Variants in SLC22A23 observed in about 807,000 individuals in gnomAD.
SLC22A23 encodes the protein solute carrier family 22 member 23.
A neutral mutation model predicts 61.0 loss-of-function variants in SLC22A23; 26 were observed. The ratio of observed to expected loss-of-function variants is 0.43; its 90% CI spans 0.31 to 0.59. The LOEUF is 0.59. Among genes scored for constraint, SLC22A23 ranks in the 20% least tolerant of loss-of-function variants. The pLI, the probability that SLC22A23 is intolerant of heterozygous loss-of-function variation, is 0.11. For missense variants in SLC22A23, 796 were observed against 934.7 expected, an observed-to-expected ratio of 0.85 and a Z score of 1.94; for synonymous variants, 430 against 413.9, an observed-to-expected ratio of 1.04 and a Z score of -0.47.
Position 3,322,028 on chromosome 6 carries a change from T to C in SLC22A23, c.1082+1806A>G, listed in dbSNP as rs575547512. 1.5e-3 allele frequency among the ~76,000 whole-genome samples: 228 copies of C among 152,314 alleles called. 1 individual carries two copies. Among genetic ancestry groups the C allele is most frequent in the African/African-American group, 5.0e-3 (209 of 41,558 alleles). On this transcript the variant is annotated intron_variant, in intron 4 of 9. Coordinates refer to ENST00000406686, the MANE Select transcript of SLC22A23 (RefSeq NM_015482.2). This position sits in a 1 kb window ranked among gnomAD's most constrained non-coding sequence, Gnocchi z 4.1. Reference sequence around the variant, plus strand: ...TGTACCAGGGTGCCCGGCAGCCTACTTGGCGCTTTGGAGTACTGTATCTCT... The same window carrying C: ...TGTACCAGGGTGCCCGGCAGCCTACCTGGCGCTTTGGAGTACTGTATCTCT...
intron 3 of SLC22A23, among the ~76,000 whole-genome samples, chr6:3,380,403 G>C (rs1467290569): frequency 1.3e-5 from 2 of 152,120 alleles, no homozygotes; most frequent in East Asian, 3.9e-4. Flanking sequence ...AACTAATTTG[G>C]ATGCATCAGC....
In SLC22A23 at chr6:3,352,464, T is replaced by C. The variant is rs372060171; in HGVS notation, c.914-28462A>G. 4.3e-3 allele frequency among the ~76,000 whole-genome samples: 657 copies of C among 151,974 alleles called. 8 individuals carry two copies. Among genetic ancestry groups the C allele is most frequent in the African/African-American group, 0.015 (638 of 41,420 alleles). The stretch of plus-strand genomic sequence containing the variant: ...ACAGACACATATTGACCCATTCACA[T>C]ACACGGCCACATACACACATAGGCA... On this transcript the variant is annotated intron_variant, in intron 3 of 9. Coordinates refer to ENST00000406686, the MANE Select transcript of SLC22A23 (RefSeq NM_015482.2).
At chr6:3,441,668 C>T (rs1771604753) in intron 1 of SLC22A23, among the ~76,000 whole-genome samples, 1 of 152,234 alleles carries the variant, frequency 6.6e-6, no homozygotes, top group African/African-American at 2.4e-5. Flanking sequence ...AGGCACCTCA[C>T]AGTGCACTGC....
chr6:3,293,627 A>G (rs1461828596), intron 5 of SLC22A23, among the ~76,000 whole-genome samples: 1 of 152,218 alleles, frequency 6.6e-6, no homozygotes, highest in East Asian at 1.9e-4. Context: ...ACCTAACCTG[A>G]GCCCTCTGAG....
intron 3 of SLC22A23, among the ~76,000 whole-genome samples, chr6:3,408,957 T>C (rs1356261187): frequency 6.6e-6 from 1 of 152,228 alleles, no homozygotes; most frequent in Non-Finnish European, 1.5e-5. Context: ...TCCAGAAAAG[T>C]GCTTAGACCT....
chr6:3,375,127 C>T (rs1356380610), intron 3 of SLC22A23, among the ~76,000 whole-genome samples: 3 of 151,462 alleles, frequency 2.0e-5, no homozygotes, highest in Non-Finnish European at 4.4e-5. Context: ...ATCTCAATAG[C>T]GATAAGAAGT....
intron 4 of SLC22A23, among the ~76,000 whole-genome samples, chr6:3,319,326 G>A (rs1762815201): frequency 6.6e-6 from 1 of 152,168 alleles, no homozygotes; most frequent in Admixed American, 6.5e-5. Flanking sequence ...CCTTTGTCTA[G>A]AACACTTTTC....
At chr6:3,314,200 A>G (rs1762509144) in intron 4 of SLC22A23, among the ~76,000 whole-genome samples, 1 of 152,266 alleles carries the variant, frequency 6.6e-6, no homozygotes, top group South Asian at 2.1e-4. Context: ...TACATAAAAA[A>G]GAGGGCATGG....
At chr6:3,273,987 C>T (rs1758673424) in intron 9 of SLC22A23, among the ~76,000 whole-genome samples, 1 of 152,158 alleles carries the variant, frequency 6.6e-6, no homozygotes, top group South Asian at 2.1e-4. Flanking sequence ...CACATACCAC[C>T]ATTGGAAACG....
intron 3 of SLC22A23, among the ~76,000 whole-genome samples, chr6:3,338,422 C>T (rs746507486): frequency 4.6e-5 from 7 of 152,236 alleles, no homozygotes; most frequent in East Asian, 1.9e-4. Flanking sequence ...CTCCGCCTCC[C>T]GGGTTCAAGT....
intron 3 of SLC22A23, among the ~76,000 whole-genome samples, chr6:3,338,274 A>T (rs1049213309): frequency 6.6e-6 from 1 of 152,252 alleles, no homozygotes; most frequent in Non-Finnish European, 1.5e-5. Context: ...CTGTACATGT[A>T]AAAATTAAAA....
At chr6:3,350,459 G>A (rs1380194807) in intron 3 of SLC22A23, among the ~76,000 whole-genome samples, 3 of 152,162 alleles carry the variant, frequency 2.0e-5, no homozygotes, top group South Asian at 2.1e-4. Context: ...TTTTAGTGTC[G>A]ACAAATGCGG....
chr6:3,298,832 C>T (rs1050600131), intron 4 of SLC22A23, among the ~76,000 whole-genome samples: 2 of 151,614 alleles, frequency 1.3e-5, no homozygotes, highest in African/African-American at 4.9e-5. Flanking sequence ...ATTAGCCGGG[C>T]GCAGTGGCGG....
chr6:3,410,471 TCTATACCCACTTCA>T lies in SLC22A23; in HGVS notation c.759-143_759-130del, dbSNP rs1561961609. ...GTACTGGGTAAAAAGTCCTGTGCCA[TCTATACCCACTTCA>T]CTAGATCCTAGGCTACTATGGGTAA... On this transcript the variant is annotated intron_variant, in intron 2 of 9. Transcript: ENST00000406686. This position sits in a 1 kb window ranked among gnomAD's most constrained non-coding sequence, Gnocchi z 5.0. 1.1e-6 allele frequency: 1 copy of T among 923,700 alleles called. No individual in the cohort carries two copies. Among genetic ancestry groups the T allele is most frequent in the African/African-American group, 1.7e-5 (1 of 58,408 alleles). The allele number at this position is 923,700 out of a possible 1,614,324, so 57.2% of individuals were successfully genotyped here. A position where few individuals can be genotyped will look rare whatever the true frequency, so the allele number is the denominator to read the frequency against.
At chr6:3,307,555 G>A (rs138967093) in intron 4 of SLC22A23, among the ~76,000 whole-genome samples, 5 of 152,360 alleles carry the variant, frequency 3.3e-5, no homozygotes, top group Non-Finnish European at 5.9e-5. Context: ...TCCACTGCAG[G>A]ATAGTCATAT....
At chr6:3,398,558 G>C (rs546562638) in intron 3 of SLC22A23, among the ~76,000 whole-genome samples, 25 of 151,608 alleles carry the variant, frequency 1.6e-4, no homozygotes, top group African/African-American at 6.1e-4. Flanking sequence ...TCTGGTCTCG[G>C]TGTTCTGTGC....
rs546024248 is a variant in SLC22A23 at position 3,405,618 on chromosome 6, A to ATTT, written c.913+4567_913+4569dup. On this transcript the variant is annotated intron_variant, in intron 3 of 9. Coordinates refer to ENST00000406686, the MANE Select transcript of SLC22A23 (RefSeq NM_015482.2). ...CTGTGGAGCCATTTGGCTCAGTCAA[A>ATTT]TTTTTTTTTTTTTTTTTTACATATA... 3.8e-3 allele frequency among the ~76,000 whole-genome samples: 554 copies of ATTT among 144,358 alleles called. 5 individuals carry two copies. The highest frequency in any genetic ancestry group is 0.014 in the African/African-American group (527 of 38,972). 94.7% of individuals were successfully genotyped at this position (144,358 alleles called of 152,430 possible). A position where few individuals can be genotyped will look rare whatever the true frequency, so the allele number is the denominator to read the frequency against.
At chr6:3,362,963 C>A (rs148060793) in intron 3 of SLC22A23, among the ~76,000 whole-genome samples, 330 of 152,282 alleles carry the variant, frequency 2.2e-3, no homozygotes, top group African/African-American at 7.5e-3. Context: ...AATTAACAAC[C>A]TTTAAACTCT....
Position 3,437,112 on chromosome 6 carries a change from C to T in SLC22A23, c.654+18794G>A, listed in dbSNP as rs1307833384. Reference sequence around the variant, plus strand: ...CCGTTGGCTTTCCTCACCACCCTCCCATTGGTCACTTATCTAAGACTCTGC... The same window carrying T: ...CCGTTGGCTTTCCTCACCACCCTCCTATTGGTCACTTATCTAAGACTCTGC... On this transcript the variant is annotated intron_variant, in intron 1 of 9. Coordinates refer to ENST00000406686, the MANE Select transcript of SLC22A23 (RefSeq NM_015482.2). Among the ~76,000 whole-genome samples the T allele has an allele frequency of 3.3e-5, 5 of 152,296 alleles. No homozygotes were observed. The East Asian group carries it at 9.6e-4, about 29-fold the overall frequency.
Sources: allele counts gnomAD v4.1 joint callset (sites outside exome capture counted in the v4.1 genomes callset), GRCh38; gene constraint gnomAD v4.1.1; non-coding constraint Gnocchi (gnomAD v3.1); transcripts MANE v1.5; gene names NCBI Gene and HGNC (gene_info 2026-07-23, HGNC 2026-07-21).